Variants in CPNE8 observed in about 807,000 individuals in gnomAD.
The protein encoded by CPNE8 is copine 8.
CPNE8 carries 45 observed loss-of-function variants against 81.5 expected under a neutral mutation model. The observed-to-expected ratio is 0.55, with a 90% CI of 0.44 to 0.71. The LOEUF (loss-of-function observed/expected upper bound fraction) is 0.71. CPNE8 is among the 30% of genes least tolerant of loss of function. The probability of loss-of-function intolerance (pLI) is 0.00; values close to 1 mark genes in which losing one functional copy is unlikely to be tolerated. For missense variants in CPNE8, 594 were observed against 672.1 expected, an observed-to-expected ratio of 0.88 and a Z score of 1.28; for synonymous variants, 252 against 226.3, an observed-to-expected ratio of 1.11 and a Z score of -1.02.
chr12:38,854,942 GGAAA>G (rs1056446539), intron 3 of CPNE8, among the ~76,000 whole-genome samples: 12 of 151,834 alleles, frequency 7.9e-5, no homozygotes, highest in African/African-American at 2.9e-4. Flanking sequence ...CATGCAAATT[GGAAA>G]GAAAGAAGTG....
intron 10 of CPNE8, among the ~76,000 whole-genome samples, chr12:38,736,234 T>TGTGTGTG (rs60702724): frequency 0.022 from 3,237 of 148,800 alleles, 60 homozygotes; most frequent in Middle Eastern, 0.043. Context: ...TGTGTGTGTG[T>TGTGTGTG]TGTGTGTGTA....
intron 1 of CPNE8, among the ~76,000 whole-genome samples, chr12:38,887,224 T>C (rs768952606): frequency 1.3e-5 from 2 of 152,080 alleles, no homozygotes; most frequent in Non-Finnish European, 2.9e-5. Flanking sequence ...GGCAGACAGA[T>C]AGGAAGAGGG....
chr12:38,757,847 C>T (rs1251465493), intron 10 of CPNE8, among the ~76,000 whole-genome samples: 1 of 123,878 alleles, frequency 8.1e-6, no homozygotes, highest in Non-Finnish European at 1.7e-5. Flanking sequence ...TAAATTTCAC[C>T]AAACAATTTT....
chr12:38,658,848 C>A (rs1938886778), intron 19 of CPNE8, among the ~76,000 whole-genome samples: 1 of 152,144 alleles, frequency 6.6e-6, no homozygotes, highest in Non-Finnish European at 1.5e-5. Context: ...CAAGCACATG[C>A]TGAGAGATTT....
chr12:38,671,068 C>A, intron 18 of CPNE8: 1 of 314,384 alleles, frequency 3.2e-6, no homozygotes, highest in Non-Finnish European at 5.8e-6. Context: ...TTTGTAGACC[C>A]TGTGAAACTG....
rs75455186 is a variant in CPNE8 at position 38,766,443 on chromosome 12, C to A, written c.575+1192G>T. On this transcript the variant is annotated intron_variant, in intron 8 of 19. Transcript: ENST00000331366. ...TATGAATAAAATTAGTGTTCAGATG[C>A]TATGACACTGACATTTTTACCATCA... 6.0e-3 allele frequency among the ~76,000 whole-genome samples: 914 copies of A among 152,206 alleles called. 13 individuals are homozygous for A. Among genetic ancestry groups the A allele is most frequent in the African/African-American group, 0.021 (871 of 41,534 alleles).
At chr12:38,782,207 A>G (rs1942067659) in intron 6 of CPNE8, among the ~76,000 whole-genome samples, 1 of 152,196 alleles carries the variant, frequency 6.6e-6, no homozygotes, top group Non-Finnish European at 1.5e-5. Flanking sequence ...ACATAAAACT[A>G]TTCTAAAATA....
intron 14 of CPNE8, among the ~76,000 whole-genome samples, chr12:38,695,952 C>A (rs1400234117): frequency 6.6e-6 from 1 of 151,972 alleles, no homozygotes; most frequent in African/African-American, 2.4e-5. Flanking sequence ...AAAACAAACA[C>A]AAACAAACAA....
intron 1 of CPNE8, among the ~76,000 whole-genome samples, chr12:38,882,167 G>T (rs975879369): frequency 6.6e-6 from 1 of 152,172 alleles, no homozygotes; most frequent in Non-Finnish European, 1.5e-5. Flanking sequence ...GATTACCCTG[G>T]ATTATCTTGG....
intron 6 of CPNE8, among the ~76,000 whole-genome samples, chr12:38,794,240 A>G (rs1254517355): frequency 6.6e-6 from 1 of 152,188 alleles, no homozygotes. Flanking sequence ...ATCAAAGGAC[A>G]TGCTCAACAG....
chr12:38,826,894 G>A (rs1943203357), intron 6 of CPNE8, among the ~76,000 whole-genome samples: 1 of 151,540 alleles, frequency 6.6e-6, no homozygotes. Flanking sequence ...CATAGGCTGG[G>A]TGCAGTGGCT....
chr12:38,801,068 G>A (rs1363450059), intron 6 of CPNE8, among the ~76,000 whole-genome samples: 1 of 145,460 alleles, frequency 6.9e-6, no homozygotes, highest in African/African-American at 2.6e-5. Context: ...ATGGAACCAA[G>A]TTGGAAAACA....
At chr12:38,796,906 G>A (rs1319418882) in intron 6 of CPNE8, among the ~76,000 whole-genome samples, 2 of 152,188 alleles carry the variant, frequency 1.3e-5, no homozygotes. Flanking sequence ...CCCGCACATG[G>A]CTCAGAGGGT....
intron 3 of CPNE8, among the ~76,000 whole-genome samples, chr12:38,853,486 C>A (rs1320468375): frequency 6.6e-6 from 1 of 151,882 alleles, no homozygotes; most frequent in Non-Finnish European, 1.5e-5. Context: ...AGCACTTTTA[C>A]ATAATGATAC....
intron 3 of CPNE8, among the ~76,000 whole-genome samples, chr12:38,854,271 C>T (rs1397412910): frequency 6.6e-6 from 1 of 151,712 alleles, no homozygotes; most frequent in Non-Finnish European, 1.5e-5. Flanking sequence ...AAAACACTGG[C>T]CTCAACAGAG....
intron 1 of CPNE8, among the ~76,000 whole-genome samples, chr12:38,882,945 T>C (rs1445449309): frequency 6.6e-6 from 1 of 152,190 alleles, no homozygotes; most frequent in African/African-American, 2.4e-5. Context: ...TGAGAATTCC[T>C]CTTTCAGCCT....
upstream of CPNE8, chr12:38,906,565 C>A: frequency 1.0e-6 from 1 of 985,566 alleles, no homozygotes; most frequent in South Asian, 4.7e-5. Flanking sequence ...CAGCCGACTC[C>A]CACCCGCAAG....
chr12:38,766,823 C>A (rs1380988139), intron 8 of CPNE8, among the ~76,000 whole-genome samples: 1 of 151,818 alleles, frequency 6.6e-6, no homozygotes, highest in Non-Finnish European at 1.5e-5. Context: ...TGTTTAAGTT[C>A]TTCTTATGTG....
intron 14 of CPNE8, among the ~76,000 whole-genome samples, chr12:38,700,841 C>T (rs993260316): frequency 6.6e-6 from 1 of 152,088 alleles, no homozygotes; most frequent in African/African-American, 2.4e-5. Flanking sequence ...GGGGAGTTCC[C>T]TTGCAAATGC....
Sources: gnomAD v4.1 joint callset for allele counts (sites outside exome capture counted in the v4.1 genomes callset) on GRCh38, gnomAD v4.1.1 for gene constraint, MANE v1.5 for transcripts, NCBI Gene and HGNC (gene_info 2026-07-23, HGNC 2026-07-21) for gene names.